PIEZO2: variants seen among roughly 807,000 people sequenced by gnomAD.
PIEZO2 encodes the protein piezo type mechanosensitive ion channel component 2, also known as piezo-type mechanosensitive ion channel component 2.
Under a neutral mutation model 337.3 loss-of-function variants are expected in PIEZO2, and 172 were observed. The observed-to-expected ratio is 0.51, with a 90% CI of 0.45 to 0.58. The LOEUF is 0.58. PIEZO2 is among the 20% of genes least tolerant of loss of function. The pLI is 0.00. For synonymous variants in PIEZO2, 1,251 were observed against 1,228.5 expected (o/e 1.02, Z -0.38); for missense variants, 3,028 against 3,391.3 (o/e 0.89, Z 2.66).
At chr18:10,935,115 T>C (rs974712505) in intron 3 of PIEZO2, among the ~76,000 whole-genome samples, 1 of 152,192 alleles carries the variant, frequency 6.6e-6, no homozygotes, top group African/African-American at 2.4e-5. Flanking sequence ...CATTAAACTA[T>C]ATAGATAGCT....
chr18:10,902,541 G>A (rs2043076616), intron 4 of PIEZO2, among the ~76,000 whole-genome samples: 1 of 152,030 alleles, frequency 6.6e-6, no homozygotes, highest in African/African-American at 2.4e-5. Flanking sequence ...GATTCTCTAG[G>A]GATCTAAGAC....
At chr18:10,893,215 T>A (rs905637761) in intron 4 of PIEZO2, among the ~76,000 whole-genome samples, 6 of 152,226 alleles carry the variant, frequency 3.9e-5, no homozygotes, top group African/African-American at 1.4e-4. Context: ...TTGTTATTTT[T>A]ATAAATTAAA....
At chr18:10,848,954 AAACC>A (rs2041450316) in intron 7 of PIEZO2, among the ~76,000 whole-genome samples, 1 of 152,222 alleles carries the variant, frequency 6.6e-6, no homozygotes, top group South Asian at 2.1e-4. Context: ...CAAGATAAGC[AAACC>A]AACAAAAAGC....
Position 10,855,201 on chromosome 18 carries a change from T to C in PIEZO2, c.917+152A>G, listed in dbSNP as rs1283469400. 5.9e-5 allele frequency among the ~76,000 whole-genome samples: 9 copies of C among 152,182 alleles called. 1 individual carries two copies. The highest frequency in any genetic ancestry group is 5.9e-4 in the Admixed American group (9 of 15,260). ...GTGTCATCCAATACAATGAAAGTGC[T>C]AGACTGCTTCACCCACCCCCACAAA... is the stretch of plus-strand genomic sequence containing the variant. On this transcript the variant is annotated intron_variant, in intron 7 of 55. Coordinates refer to ENST00000674853, the MANE Select transcript of PIEZO2 (RefSeq NM_001378183.1). The surrounding 1 kb of genome is among the most constrained non-coding windows in gnomAD (Gnocchi z 4.9).
intron 52 of PIEZO2, 129 bp downstream of exon 52, chr18:10,680,070 T>C (rs2034195025): frequency 1.3e-6 from 1 of 744,134 alleles, no homozygotes; most frequent in African/African-American, 1.8e-5. Context: ...TTCCCAAGGC[T>C]ATAATGATAA....
intron 47 of PIEZO2, 121 bp downstream of exon 47, chr18:10,695,953 G>T: frequency 1.1e-6 from 1 of 932,082 alleles, no homozygotes; most frequent in Non-Finnish European, 1.7e-6. Flanking sequence ...TACCCGTGGT[G>T]CTGCTGTGCC....
chr18:11,025,151 G>A (rs904910446), intron 2 of PIEZO2, among the ~76,000 whole-genome samples: 4 of 152,094 alleles, frequency 2.6e-5, no homozygotes, highest in African/African-American at 9.7e-5. Flanking sequence ...TTACTTCAGA[G>A]TGATGAGCCT....
At chr18:10,845,214 A>G (rs1568123464) in intron 7 of PIEZO2, among the ~76,000 whole-genome samples, 1 of 151,668 alleles carries the variant, frequency 6.6e-6, no homozygotes, top group Non-Finnish European at 1.5e-5. Context: ...ATATATATAT[A>G]AACACACACA....
At chr18:10,810,599 C>A (rs1203845894) in intron 7 of PIEZO2, among the ~76,000 whole-genome samples, 2 of 152,194 alleles carry the variant, frequency 1.3e-5, no homozygotes, top group African/African-American at 2.4e-5. Flanking sequence ...GTCCCCTTTT[C>A]TTTCTCCCAG....
In PIEZO2 at chr18:10,748,445, C is replaced by G; in HGVS notation, c.4424+26G>C. 1 of 1,534,624 alleles carries G rather than the reference C, an allele frequency of 6.5e-7. No individual in the cohort carries two copies. The highest frequency in any genetic ancestry group is 8.7e-7 in the Non-Finnish European group (1 of 1,145,444). The stretch of plus-strand genomic sequence containing the variant: ...TTTCAGGCAAGTTTCCTGGGAGAAA[C>G]CACCTGATTTCATGGCCTGACCCAC... On this transcript the variant is annotated intron_variant, in intron 30 of 55. Transcript: ENST00000674853. This position sits in a 1 kb window ranked among gnomAD's most constrained non-coding sequence, Gnocchi z 5.1.
rs549100783 is a variant in PIEZO2 at position 11,119,433 on chromosome 18, C to T, written c.64+29092G>A. On this transcript the variant is annotated intron_variant, in intron 1 of 55. Coordinates refer to ENST00000674853, the MANE Select transcript of PIEZO2 (RefSeq NM_001378183.1). ...GATAATAGGCGTGAGCCACCGCGCC[C>T]GGCCAAATACTTGCATTTGATTAAA... Among the ~76,000 whole-genome samples, 3 of 152,186 alleles carry T rather than the reference C, an allele frequency of 2.0e-5. No individual in the cohort carries two copies. In the East Asian group the frequency reaches 5.8e-4, roughly 29 times the overall value.
chr18:11,099,463 T>A lies in PIEZO2; in HGVS notation c.65-33241A>T, dbSNP rs1279307105. ...GTTCTTCTTAACATTTCAATTTATA[T>A]CTTTATTCTTTTTTTCTTTTTGAGA... is the stretch of plus-strand genomic sequence containing the variant. On this transcript the variant is annotated intron_variant, in intron 1 of 55. Coordinates refer to ENST00000674853, the MANE Select transcript of PIEZO2 (RefSeq NM_001378183.1). The surrounding 1 kb of genome is among the most constrained non-coding windows in gnomAD (Gnocchi z 5.4). Among the ~76,000 whole-genome samples the A allele has an allele frequency of 6.6e-6, 1 of 152,172 alleles. No individual in the cohort carries two copies. Among genetic ancestry groups the A allele is most frequent in the East Asian group, 1.9e-4 (1 of 5,192 alleles).
intron 2 of PIEZO2, among the ~76,000 whole-genome samples, chr18:11,064,385 C>A (rs1336881821): frequency 6.6e-6 from 1 of 152,206 alleles, no homozygotes; most frequent in African/African-American, 2.4e-5. Flanking sequence ...TCCTTTCCAA[C>A]TCCTTCTTCC....
chr18:10,951,795 G>A (rs2033306661), intron 3 of PIEZO2, among the ~76,000 whole-genome samples: 1 of 152,146 alleles, frequency 6.6e-6, no homozygotes, highest in South Asian at 2.1e-4. Flanking sequence ...TTCCCCAAGG[G>A]CAGTGGACTG....
rs992179655 is a variant in PIEZO2 at position 11,127,240 on chromosome 18, T to C, written c.64+21285A>G. Among the ~76,000 whole-genome samples, 11 of 151,988 alleles carry C rather than the reference T, an allele frequency of 7.2e-5. No individual in the cohort carries two copies. Among genetic ancestry groups the C allele is most frequent in the Non-Finnish European group, 1.3e-4 (9 of 68,000 alleles). ...AGGAGGTGACATTTAGGCTGAGATA[T>C]AGGAGGAAACGCTCATCAGAGCACA... On this transcript the variant is annotated intron_variant, in intron 1 of 55. Transcript: ENST00000674853. This position sits in a 1 kb window ranked among gnomAD's most constrained non-coding sequence, Gnocchi z 4.5.
In PIEZO2 at chr18:11,093,973, G is replaced by GT. The variant is rs1251599032; in HGVS notation, c.65-27752_65-27751insA. 5.1e-5 allele frequency among the ~76,000 whole-genome samples: 7 copies of GT among 138,248 alleles called. No homozygotes were observed. In the Admixed American group the frequency reaches 5.1e-4, roughly 10 times the overall value. 90.7% of individuals were successfully genotyped at this position (138,248 alleles called of 152,430 possible). A position where few individuals can be genotyped will look rare whatever the true frequency, so the allele number is the denominator to read the frequency against. ...GTTTTCAACTGTGATAATTTGTTGGGGTTTTTTTTTCTTTCTTTTTTTGAG... is the reference window on the plus strand; with the variant it reads ...GTTTTCAACTGTGATAATTTGTTGGGTGTTTTTTTTTCTTTCTTTTTTTGAG... On this transcript the variant is annotated intron_variant, in intron 1 of 55. Coordinates refer to ENST00000674853, the MANE Select transcript of PIEZO2 (RefSeq NM_001378183.1).
chr18:11,103,878 T>C (rs1318178761), intron 1 of PIEZO2, among the ~76,000 whole-genome samples: 1 of 151,658 alleles, frequency 6.6e-6, no homozygotes, highest in African/African-American at 2.4e-5. Context: ...GAAGTTGGAG[T>C]GCAGTGGAGC....
intron 3 of PIEZO2, among the ~76,000 whole-genome samples, chr18:10,975,692 T>C (rs1223288534): frequency 6.6e-6 from 1 of 152,174 alleles, no homozygotes; most frequent in Non-Finnish European, 1.5e-5. Context: ...TTATGTCAGA[T>C]TCCTAAGAGA....
At chr18:10,806,425 G>T (rs2040005269) in intron 8 of PIEZO2, among the ~76,000 whole-genome samples, 1 of 152,116 alleles carries the variant, frequency 6.6e-6, no homozygotes, top group African/African-American at 2.4e-5. Context: ...AAGCCACCCA[G>T]GCTTCAGTCC....
Sources: allele counts gnomAD v4.1 joint callset (sites outside exome capture counted in the v4.1 genomes callset), GRCh38; gene constraint gnomAD v4.1.1; non-coding constraint Gnocchi (gnomAD v3.1); transcripts MANE v1.5; gene names NCBI Gene and HGNC (gene_info 2026-07-23, HGNC 2026-07-21).